Variants in FNBP1L observed in about 807,000 individuals in gnomAD.
The protein encoded by FNBP1L is formin binding protein 1 like.
FNBP1L carries 36 observed loss-of-function variants against 91.2 expected under a neutral mutation model. The ratio of observed to expected loss-of-function variants is 0.39; its 90% confidence interval spans 0.30 to 0.52. The LOEUF (loss-of-function observed/expected upper bound fraction) is 0.52. FNBP1L is among the 20% of genes least tolerant of loss of function. The probability of loss-of-function intolerance (pLI) is 0.66; values close to 1 mark genes in which losing one functional copy is unlikely to be tolerated. For missense variants in FNBP1L, 571 were observed against 732.1 expected (o/e 0.78, Z 2.54); for synonymous variants, 242 against 237.0 (o/e 1.02, Z -0.19).
intron 10 of FNBP1L, among the ~76,000 whole-genome samples, chr1:93,537,356 C>G (rs1437440062): frequency 6.6e-6 from 1 of 151,978 alleles, no homozygotes; most frequent in Non-Finnish European, 1.5e-5. Context: ...TTCGTTCTTC[C>G]TTCTTAGACC....
chr1:93,528,881 G>A (rs1214027343), intron 5 of FNBP1L, among the ~76,000 whole-genome samples: 2 of 151,996 alleles, frequency 1.3e-5, no homozygotes, highest in Non-Finnish European at 2.9e-5. Context: ...ATGAAGACAT[G>A]TATTAACTCC....
At position 93,487,074 on chromosome 1, in the gene FNBP1L, A is replaced by G. The variant is rs139605678; in HGVS notation, c.25-12394A>G. Among the ~76,000 whole-genome samples, 292 of 152,246 alleles carry G rather than the reference A, an allele frequency of 1.9e-3. 2 individuals are homozygous for G. The highest frequency in any genetic ancestry group is 6.7e-3 in the African/African-American group (279 of 41,568). ...TCAGGCTCTTACCCTCATTATTTCA[A>G]CAGAACTGCTCTTAAGACAGTCAAT... is the stretch of plus-strand genomic sequence containing the variant. On this transcript the variant is annotated intron_variant, in intron 1 of 16. Coordinates refer to ENST00000271234, the MANE Select transcript of FNBP1L (RefSeq NM_001164473.3).
chr1:93,529,900 CT>C (rs1671619844), intron 6 of FNBP1L, 144 bp downstream of exon 6: 2 of 562,466 alleles, frequency 3.6e-6, no homozygotes, highest in Non-Finnish European at 6.2e-6. Context: ...TATTTGCCAA[CT>C]TTAAATTATA....
In FNBP1L at chr1:93,546,052, A is replaced by G. The variant is rs1259141814; in HGVS notation, c.1275-790A>G. 2.0e-5 allele frequency among the ~76,000 whole-genome samples: 3 copies of G among 152,118 alleles called. No homozygotes were observed. In the East Asian group the frequency reaches 5.8e-4, roughly 29 times the overall value. ...ATATGCATTTGAAAATCATCTGAAG[A>G]TGGATGATATTAAAACAATTAAGAG... On this transcript the variant is annotated intron_variant, in intron 12 of 16. Coordinates refer to ENST00000271234, the MANE Select transcript of FNBP1L (RefSeq NM_001164473.3).
At chr1:93,470,188 A>AG (rs1187229473) in intron 1 of FNBP1L, among the ~76,000 whole-genome samples, 2 of 152,070 alleles carry the variant, frequency 1.3e-5, no homozygotes, top group African/African-American at 4.8e-5. Context: ...GCTGGAGTAT[A>AG]GTGATGCTGT....
intron 2 of FNBP1L, among the ~76,000 whole-genome samples, chr1:93,510,536 T>C (rs1171988638): frequency 6.6e-6 from 1 of 152,104 alleles, no homozygotes; most frequent in Non-Finnish European, 1.5e-5. Context: ...CTGGAAACTC[T>C]AAAAAGCAGA....
intron 15 of FNBP1L, 107 bp from the exon 16 acceptor site, chr1:93,550,840 G>T: frequency 9.1e-7 from 1 of 1,101,206 alleles, no homozygotes; most frequent in Non-Finnish European, 1.2e-6. Context: ...GTAGTTCCAG[G>T]TACATTGAAA....
At chr1:93,552,184 G>A (rs997105751) in intron 16 of FNBP1L, 2 of 1,334,724 alleles carry the variant, frequency 1.5e-6, no homozygotes, top group Non-Finnish European at 1.9e-6. Flanking sequence ...GTGCAGTGCT[G>A]GTTGTGTGAC....
chr1:93,508,878 T>C (rs1163941425), intron 2 of FNBP1L, among the ~76,000 whole-genome samples: 1 of 152,176 alleles, frequency 6.6e-6, no homozygotes, highest in Non-Finnish European at 1.5e-5. Flanking sequence ...TTTAGGATCT[T>C]TCTTCTTGGC....
chr1:93,480,922 T>C (rs1669679837), intron 1 of FNBP1L, among the ~76,000 whole-genome samples: 1 of 152,208 alleles, frequency 6.6e-6, no homozygotes, highest in South Asian at 2.1e-4. Flanking sequence ...TTCTGTATTA[T>C]AAAGTTGCCA....
At chr1:93,547,827 A>T (rs918281858) in intron 14 of FNBP1L, among the ~76,000 whole-genome samples, 1 of 152,158 alleles carries the variant, frequency 6.6e-6, no homozygotes, top group Non-Finnish European at 1.5e-5. Flanking sequence ...ATGTATTGTT[A>T]GTTTGGACCA....
At chr1:93,489,688 T>C (rs1012873751) in intron 1 of FNBP1L, among the ~76,000 whole-genome samples, 1 of 152,086 alleles carries the variant, frequency 6.6e-6, no homozygotes, top group Non-Finnish European at 1.5e-5. Flanking sequence ...ATGCGAGTTT[T>C]CCCCTATCTT....
At chr1:93,543,071 G>A (rs142562230) in intron 11 of FNBP1L, among the ~76,000 whole-genome samples, 1 of 152,226 alleles carries the variant, frequency 6.6e-6, no homozygotes, top group African/African-American at 2.4e-5. Flanking sequence ...TGGGATTACA[G>A]GCGTGAGCCA....
chr1:93,550,884 A>G (rs923217759), intron 15 of FNBP1L, 63 bp from the exon 16 acceptor site: 4 of 1,409,230 alleles, frequency 2.8e-6, no homozygotes, highest in Admixed American at 2.7e-5. Flanking sequence ...TGTGCATTGT[A>G]TTAGTAACTT....
intron 7 of FNBP1L, 131 bp downstream of exon 7, chr1:93,531,014 G>A: frequency 1.4e-6 from 1 of 704,854 alleles, no homozygotes; most frequent in Non-Finnish European, 2.2e-6. Context: ...ATTCCTTTAT[G>A]ATTATAGATT....
At chr1:93,472,168 T>G (rs895432608) in intron 1 of FNBP1L, among the ~76,000 whole-genome samples, 1 of 152,168 alleles carries the variant, frequency 6.6e-6, no homozygotes, top group African/African-American at 2.4e-5. Flanking sequence ...AGTACCAAGG[T>G]TTGAGAACCA....
At chr1:93,499,996 GTTTC>G (rs1670392344) in intron 2 of FNBP1L, among the ~76,000 whole-genome samples, 2 of 152,066 alleles carry the variant, frequency 1.3e-5, no homozygotes, top group Admixed American at 1.3e-4. Flanking sequence ...GCTGAGCTGA[GTTTC>G]TTTCTGTCAG....
At chr1:93,504,523 C>T (rs1326524143) in intron 2 of FNBP1L, among the ~76,000 whole-genome samples, 4 of 152,184 alleles carry the variant, frequency 2.6e-5, no homozygotes, top group African/African-American at 9.7e-5. Context: ...AATACATAGT[C>T]TCTATCTCAT....
chr1:93,549,254 C>A, intron 14 of FNBP1L, 24 bp from the exon 15 acceptor site: 1 of 1,582,054 alleles, frequency 6.3e-7, no homozygotes, highest in South Asian at 1.2e-5. Flanking sequence ...GATACTTGAT[C>A]AGAGATAATT....
Sources: allele counts gnomAD v4.1 joint callset (sites outside exome capture counted in the v4.1 genomes callset), GRCh38; gene constraint gnomAD v4.1.1; transcripts MANE v1.5; gene names NCBI Gene and HGNC (gene_info 2026-07-23, HGNC 2026-07-21).